The following SEC23A variants were observed in gnomAD, a reference collection of about 807,000 sequenced individuals.
SEC23A encodes protein transport protein Sec23A.
Under a neutral mutation model 103.7 loss-of-function variants are expected in SEC23A, and 56 were observed. The ratio of observed to expected loss-of-function variants is 0.54; its 90% confidence interval spans 0.44 to 0.67. The LOEUF (loss-of-function observed/expected upper bound fraction) is 0.67, where lower values mean the gene tolerates loss of function less well. Ranked by LOEUF, SEC23A falls within the 30% of genes least tolerant of loss-of-function variation. The pLI is 0.00. For missense variants in SEC23A, 784 were observed against 936.4 expected, an observed-to-expected ratio of 0.84 and a Z score of 2.12; for synonymous variants, 281 against 293.0, an observed-to-expected ratio of 0.96 and a Z score of 0.42.
At chr14:39,052,799 T>C (rs1594445883) in intron 14 of SEC23A, among the ~76,000 whole-genome samples, 1 of 152,152 alleles carries the variant, frequency 6.6e-6, no homozygotes, top group Non-Finnish European at 1.5e-5. Flanking sequence ...GAAAAGAATA[T>C]TGCCAATATG....
At chr14:39,078,087 AAAAT>A (rs747748334) in intron 7 of SEC23A, among the ~76,000 whole-genome samples, 6 of 151,998 alleles carry the variant, frequency 3.9e-5, no homozygotes, top group Non-Finnish European at 8.8e-5. Context: ...TTGTCTGAAA[AAAAT>A]AAATAAATAA....
At chr14:39,037,152 A>AT (rs1566478086) in intron 19 of SEC23A, among the ~76,000 whole-genome samples, 1 of 152,062 alleles carries the variant, frequency 6.6e-6, no homozygotes, top group African/African-American at 2.4e-5. Context: ...TCAGACAAGC[A>AT]TTTACTGTGA....
At chr14:39,100,796 C>CA (rs1888062551) in intron 1 of SEC23A, among the ~76,000 whole-genome samples, 1 of 152,090 alleles carries the variant, frequency 6.6e-6, no homozygotes, top group African/African-American at 2.4e-5. Flanking sequence ...AGTATTAAAC[C>CA]AAAGAAATAT....
chr14:39,068,350 G>T (rs1886742649), intron 9 of SEC23A, among the ~76,000 whole-genome samples: 1 of 152,048 alleles, frequency 6.6e-6, no homozygotes, highest in Non-Finnish European at 1.5e-5. Flanking sequence ...ATTATATATG[G>T]ATTTCCTCCT....
chr14:39,081,032 C>T (rs971312361), intron 7 of SEC23A, among the ~76,000 whole-genome samples: 1 of 152,036 alleles, frequency 6.6e-6, no homozygotes, highest in Non-Finnish European at 1.5e-5. Context: ...TGGCAAGACT[C>T]TGTCTCTACA....
At chr14:39,090,979 G>A (rs1368584677) in intron 5 of SEC23A, 1 of 351,746 alleles carries the variant, frequency 2.8e-6, no homozygotes, top group Non-Finnish European at 5.4e-6. Context: ...AGTTGGTGCT[G>A]CACCTGCAGA....
chr14:39,049,622 T>C (rs117862785), intron 14 of SEC23A, among the ~76,000 whole-genome samples: 2 of 150,060 alleles, frequency 1.3e-5, no homozygotes, highest in Non-Finnish European at 3.0e-5. Context: ...ACAAAAAATT[T>C]TGAAAATTAG....
intron 5 of SEC23A, among the ~76,000 whole-genome samples, chr14:39,089,320 C>T (rs1242901332): frequency 3.3e-5 from 5 of 151,960 alleles, no homozygotes; most frequent in Non-Finnish European, 7.4e-5. Context: ...CTTAAATGTA[C>T]AATTCATTTA....
At chr14:39,033,372 T>C in intron 19 of SEC23A, 44 bp from the exon 20 acceptor site, 2 of 1,252,888 alleles carry the variant, frequency 1.6e-6, no homozygotes, top group East Asian at 2.3e-5. Flanking sequence ...CATAGGGTGA[T>C]ATCATGGAAT....
chr14:39,034,059 C>G (rs1219335576), intron 19 of SEC23A, among the ~76,000 whole-genome samples: 1 of 152,184 alleles, frequency 6.6e-6, no homozygotes, highest in African/African-American at 2.4e-5. Flanking sequence ...TCCTGTGATT[C>G]TAGTCTGGCA....
Position 39,080,626 on chromosome 14 carries a change from G to A in SEC23A, c.829-4533C>T, listed in dbSNP as rs192751814. 8.8e-3 allele frequency among the ~76,000 whole-genome samples: 1,335 copies of A among 152,160 alleles called. 22 individuals are homozygous for A. Among genetic ancestry groups the A allele is most frequent in the African/African-American group, 0.031 (1,266 of 41,508 alleles). Reference sequence around the variant, plus strand: ...TCACCACGTTGGCCAGGCTGGTCTCGAACTCCTGACTTCAGGTAATCCGCC... The same window carrying A: ...TCACCACGTTGGCCAGGCTGGTCTCAAACTCCTGACTTCAGGTAATCCGCC... On this transcript the variant is annotated intron_variant, in intron 7 of 19. Coordinates refer to ENST00000307712, the MANE Select transcript of SEC23A (RefSeq NM_006364.4).
At chr14:39,065,019 C>T (rs866753271) in intron 10 of SEC23A, 26 bp from the exon 11 acceptor site, 4 of 1,457,272 alleles carry the variant, frequency 2.7e-6, no homozygotes, top group African/African-American at 2.8e-5. Flanking sequence ...ACAGCATGTT[C>T]GGTTTCCTCA....
chr14:39,086,645 C>T lies in SEC23A; in HGVS notation c.683+284G>A, dbSNP rs531869695. Among the ~76,000 whole-genome samples, 6 of 152,158 alleles carry T rather than the reference C, an allele frequency of 3.9e-5. No individual in the cohort carries two copies. The East Asian group carries it at 1.2e-3, about 29-fold the overall frequency. On this transcript the variant is annotated intron_variant, in intron 6 of 19. Coordinates refer to ENST00000307712, the MANE Select transcript of SEC23A (RefSeq NM_006364.4). ...AAAGCTAAGAAGAAAAAATAAAAAC[C>T]TTGGCTGCCCTAAAACCACACAAAA...
At chr14:39,092,211 C>A (rs1441445711) in intron 4 of SEC23A, among the ~76,000 whole-genome samples, 1 of 152,042 alleles carries the variant, frequency 6.6e-6, no homozygotes, top group Non-Finnish European at 1.5e-5. Context: ...TTAATTAGAC[C>A]TGGGGGATAC....
intron 19 of SEC23A, among the ~76,000 whole-genome samples, chr14:39,036,220 G>C (rs1202014014): frequency 6.6e-6 from 1 of 150,492 alleles, no homozygotes; most frequent in Non-Finnish European, 1.5e-5. Flanking sequence ...TACTCAGGAG[G>C]CTGAGGCAGG....
chr14:39,042,943 T>G (rs2139189647), intron 16 of SEC23A, 71 bp from the exon 17 acceptor site: 2 of 962,962 alleles, frequency 2.1e-6, no homozygotes, highest in South Asian at 2.9e-5. Context: ...AAAATAGATG[T>G]TTCCAGGTTA....
At chr14:39,041,868 C>CAA (rs773512856) in intron 17 of SEC23A, among the ~76,000 whole-genome samples, 32,518 of 88,306 alleles carry the variant, frequency 0.37, 4,719 homozygotes, top group Non-Finnish European at 0.45. Context: ...GACTGAGTCT[C>CAA]AAAAAAAAAA....
At chr14:39,062,546 T>C (rs1886511944) in intron 12 of SEC23A, among the ~76,000 whole-genome samples, 1 of 152,034 alleles carries the variant, frequency 6.6e-6, no homozygotes, top group Non-Finnish European at 1.5e-5. Flanking sequence ...CAATGAAAGA[T>C]TAATAATGAG....
chr14:39,081,411 G>C (rs553911975), intron 7 of SEC23A, among the ~76,000 whole-genome samples: 59 of 152,246 alleles, frequency 3.9e-4, no homozygotes, highest in African/African-American at 1.1e-3. Context: ...AAATTTACTA[G>C]AAGATACAAA....
Sources: allele counts gnomAD v4.1 joint callset (sites outside exome capture counted in the v4.1 genomes callset), GRCh38; gene constraint gnomAD v4.1.1; transcripts MANE v1.5; gene names NCBI Gene and HGNC (gene_info 2026-07-23, HGNC 2026-07-21).